PCDH11X: variants seen among roughly 807,000 people sequenced by gnomAD.
The protein encoded by PCDH11X is protocadherin 11 X-linked, also known as protocadherin-11 X-linked.
In PCDH11X, 18 loss-of-function variants were observed where a neutral mutation model predicts 53.3. The observed-to-expected ratio is 0.34, with a 90% CI of 0.23 to 0.50. The LOEUF (loss-of-function observed/expected upper bound fraction) is 0.50. PCDH11X is among the 20% of genes least tolerant of loss of function. The pLI is 0.98. For missense variants in PCDH11X, 570 were observed against 1,032.4 expected (o/e 0.55, Z 6.14); for synonymous variants, 279 against 393.3 (o/e 0.71, Z 3.44).
intron 6 of PCDH11X, among the ~76,000 whole-genome samples, chrX:92,185,480 C>T (rs897078937): frequency 1.8e-5 from 2 of 110,773 alleles, no homozygotes; most frequent in Admixed American, 1.9e-4. Context: ...ACCTCAAAAG[C>T]GCAGGCAACA....
intron 10 of PCDH11X, among the ~76,000 whole-genome samples, chrX:92,592,970 T>C (rs1925189782): frequency 9.0e-6 from 1 of 110,981 alleles, no homozygotes. Context: ...GTAGTGTTTA[T>C]TTAAAAGAGC....
intron 7 of PCDH11X, among the ~76,000 whole-genome samples, chrX:92,217,580 T>G (rs1456132996): frequency 1.0e-5 from 1 of 100,192 alleles, no homozygotes; most frequent in Admixed American, 1.1e-4. Flanking sequence ...ACAAAGAGAC[T>G]CAGACTCCCA....
rs908033598 is a variant in PCDH11X at position 92,008,157 on chromosome X, G to A, written c.3033+128884G>A. Among the ~76,000 whole-genome samples, 3 of 111,348 alleles carry A rather than the reference G, an allele frequency of 2.7e-5. No individual in the cohort carries two copies. In the Admixed American group the frequency reaches 2.9e-4, roughly 11 times the overall value. ...AACACTCCCTTGACTTCTCCGGCTG[G>A]TGCCTCAGTATGCCAGGTTTCTTCA... On this transcript the variant is annotated intron_variant, in intron 6 of 10. Coordinates refer to ENST00000682573, the MANE Select transcript of PCDH11X (RefSeq NM_032968.5).
chrX:92,368,012 T>C (rs2070517720), intron 8 of PCDH11X, among the ~76,000 whole-genome samples: 2 of 102,693 alleles, frequency 1.9e-5, no homozygotes, highest in Admixed American at 2.2e-4. Context: ...TGGTGTTCTC[T>C]GTAGTTCCTG....
rs781697070 is a variant in PCDH11X at position 92,198,109 on chromosome X, C to A, written c.3034-3266C>A. ...ATTTCTCCTGAAAACAATCACAAAA[C>A]CAGGAGCCGGGTGAGATGGCTCACA... is the stretch of plus-strand genomic sequence containing the variant. On this transcript the variant is annotated intron_variant, in intron 6 of 10. Transcript: ENST00000682573. Among the ~76,000 whole-genome samples the A allele has an allele frequency of 7.3e-5, 8 of 108,854 alleles. No individual in the cohort carries two copies. In the South Asian group the frequency reaches 3.2e-3, roughly 44 times the overall value. 94.5% of individuals were successfully genotyped at this position (108,854 alleles called of 115,157 possible).
chrX:92,408,291 A>G (rs2071566876), intron 9 of PCDH11X, among the ~76,000 whole-genome samples: 1 of 109,916 alleles, frequency 9.1e-6, no homozygotes, highest in African/African-American at 3.3e-5. Flanking sequence ...GCATGTTTTA[A>G]CATGTGTTTA....
At chrX:92,108,130 A>G (rs1439407816) in intron 6 of PCDH11X, among the ~76,000 whole-genome samples, 2 of 112,225 alleles carry the variant, frequency 1.8e-5, no homozygotes, top group South Asian at 3.7e-4. Flanking sequence ...TTCTGAAAAC[A>G]TACCTGGTTC....
chrX:92,159,556 A>C (rs1603079277), intron 6 of PCDH11X, among the ~76,000 whole-genome samples: 1 of 109,275 alleles, frequency 9.2e-6, no homozygotes, highest in African/African-American at 3.3e-5. Context: ...TAGAGTATAA[A>C]GGGAAATTTT....
intron 6 of PCDH11X, among the ~76,000 whole-genome samples, chrX:92,109,941 T>C (rs1248464162): frequency 8.9e-6 from 1 of 112,283 alleles, no homozygotes; most frequent in African/African-American, 3.2e-5. Context: ...GTTTCAAGAC[T>C]AGGAAGTTAT....
At chrX:92,534,121 G>A (rs2074611374) in intron 10 of PCDH11X, among the ~76,000 whole-genome samples, 1 of 105,018 alleles carries the variant, frequency 9.5e-6, no homozygotes, top group Non-Finnish European at 1.9e-5. Context: ...AAAGGAGGAT[G>A]TTTGAACCCA....
At chrX:91,954,728 T>A (rs1459909614) in intron 6 of PCDH11X, among the ~76,000 whole-genome samples, 1 of 111,443 alleles carries the variant, frequency 9.0e-6, no homozygotes, top group African/African-American at 3.3e-5. Context: ...GAGCTTCGTT[T>A]CATATGTTTT....
rs2062755874 is a variant in PCDH11X, at chrX:92,014,582, A to G, written c.3033+135309A>G. On this transcript the variant is annotated intron_variant, in intron 6 of 10. Coordinates refer to ENST00000682573, the MANE Select transcript of PCDH11X (RefSeq NM_032968.5). ...ATCATGCTGCTATAAAGACACATGC[A>G]CACGTATGTTTATTGCGGCACTATT... 3.6e-5 allele frequency among the ~76,000 whole-genome samples: 4 copies of G among 110,441 alleles called. No homozygotes were observed. In the Admixed American group the frequency reaches 3.9e-4, roughly 11 times the overall value.
At chrX:92,555,925 G>A (rs1193559247) in intron 10 of PCDH11X, among the ~76,000 whole-genome samples, 1 of 110,626 alleles carries the variant, frequency 9.0e-6, no homozygotes, top group African/African-American at 3.3e-5. Flanking sequence ...TCACATTGCT[G>A]TGGAGGCCTC....
chrX:92,078,295 C>G (rs948194024), intron 6 of PCDH11X, among the ~76,000 whole-genome samples: 10 of 110,380 alleles, frequency 9.1e-5, no homozygotes, highest in African/African-American at 3.3e-4. Flanking sequence ...TAATTAAATC[C>G]CAATAGTACA....
chrX:92,296,143 T>C (rs1485569783), intron 8 of PCDH11X, among the ~76,000 whole-genome samples: 11 of 110,887 alleles, frequency 9.9e-5, no homozygotes, highest in Admixed American at 6.7e-4. Context: ...ATATGATAGA[T>C]TTTCCTATGG....
intron 6 of PCDH11X, among the ~76,000 whole-genome samples, chrX:92,174,217 AT>A (rs762980726): frequency 1.0e-4 from 11 of 107,542 alleles, no homozygotes; most frequent in African/African-American, 2.7e-4. Flanking sequence ...ATTAAAAAAA[AT>A]AATACAAAAA....
intron 6 of PCDH11X, among the ~76,000 whole-genome samples, chrX:91,988,841 A>G (rs2062268585): frequency 1.8e-5 from 2 of 111,705 alleles, no homozygotes; most frequent in African/African-American, 6.5e-5. Context: ...GAGAATGATT[A>G]TACTACTCAA....
intron 6 of PCDH11X, among the ~76,000 whole-genome samples, chrX:91,910,530 C>A (rs1308471057): frequency 4.5e-5 from 5 of 110,797 alleles, no homozygotes; most frequent in African/African-American, 6.5e-5. Context: ...AGATACACAC[C>A]ATTTGACTTC....
intron 1 of PCDH11X, among the ~76,000 whole-genome samples, chrX:91,799,047 C>T (rs1431775704): frequency 9.0e-6 from 1 of 111,280 alleles, no homozygotes; most frequent in Non-Finnish European, 1.9e-5. Context: ...TCAGCTAATA[C>T]TTAATGAAAC....
Sources: gnomAD v4.1 joint callset for allele counts (sites outside exome capture counted in the v4.1 genomes callset) on GRCh38, gnomAD v4.1.1 for gene constraint, MANE v1.5 for transcripts, NCBI Gene and HGNC (gene_info 2026-07-23, HGNC 2026-07-21) for gene names.